Variants in PGAP1 observed in about 807,000 individuals in gnomAD.
PGAP1 encodes the protein post-GPI attachment to proteins inositol deacylase 1, also known as GPI inositol-deacylase.
Under a neutral mutation model 127.0 loss-of-function variants are expected in PGAP1, and 76 were observed. That is an observed-to-expected ratio of 0.60 (90% CI 0.50 to 0.72). The LOEUF is 0.72. Among genes scored for constraint, PGAP1 ranks in the 30% least tolerant of loss-of-function variants. The pLI is 0.00. For missense variants in PGAP1, 982 were observed against 1,071.3 expected, an observed-to-expected ratio of 0.92 and a Z score of 1.16; for synonymous variants, 362 against 366.5, an observed-to-expected ratio of 0.99 and a Z score of 0.14.
chr2:196,880,884 T>G (rs1181627455), intron 12 of PGAP1, among the ~76,000 whole-genome samples: 1 of 152,222 alleles, frequency 6.6e-6, no homozygotes, highest in Non-Finnish European at 1.5e-5. Flanking sequence ...ACTTTTATTT[T>G]AAGTTCAGGG....
At position 196,836,646 on chromosome 2, in the gene PGAP1, T is replaced by C. The variant is rs1203729056; in HGVS notation, c.*4588A>G. ...ATATTGTGAAAGAATGCATGAGTAA[T>C]GGGTAAACATAAAAGTTCATTACAG... On this transcript the variant is annotated 3_prime_UTR_variant, in exon 27 of 27. Coordinates refer to ENST00000354764, the MANE Select transcript of PGAP1 (RefSeq NM_024989.4). The C allele has an allele frequency of 1.3e-5, 2 of 152,164 alleles. No homozygotes were observed. Among genetic ancestry groups the C allele is most frequent in the South Asian group, 2.1e-4 (1 of 4,820 alleles). 9.4% of individuals were successfully genotyped at this position (152,164 alleles called of 1,614,324 possible). A position where few individuals can be genotyped will look rare whatever the true frequency, so the allele number is the denominator to read the frequency against.
rs757313863 is a variant in PGAP1, at chr2:196,926,610, G to A, written c.7C>T (p.Leu3Phe). 2.5e-6 allele frequency: 4 copies of A among 1,614,078 alleles called. No homozygotes were observed. The South Asian group carries it at 3.3e-5, about 13-fold the overall frequency. Residue 3 changes from leucine to phenylalanine, a missense_variant, in exon 1 of 27, where the codon CTT becomes TTT. Transcript: ENST00000354764. ...AGGTTCCAGAGATTAACTGAGTGAA[G>A]AAACATGGTGCCGCCACCACCGCCG... Reference protein sequence around the residue: MFLHSVNLWNLAF... With the variant: MFFHSVNLWNLAF...
rs1281616131 is a variant in PGAP1, at chr2:196,841,179, T to G, written c.*55A>C. 2.6e-6 allele frequency: 4 copies of G among 1,536,034 alleles called. No homozygotes were observed. The highest frequency in any genetic ancestry group is 2.8e-5 in the African/African-American group (2 of 72,258). ...CATACTGATGGATCTGTGTGTTCCC[T>G]CTTATCACTGGCCCTAAACACATAA... On this transcript the variant is annotated 3_prime_UTR_variant, in exon 27 of 27. Transcript: ENST00000354764.
At chr2:196,860,198 T>C (rs1701020089) in intron 20 of PGAP1, among the ~76,000 whole-genome samples, 1 of 151,878 alleles carries the variant, frequency 6.6e-6, no homozygotes, top group East Asian at 1.9e-4. Flanking sequence ...CATATAAAAA[T>C]CAGTAACTTT....
intron 23 of PGAP1, among the ~76,000 whole-genome samples, chr2:196,845,358 T>TC (rs1700527779): frequency 6.6e-6 from 1 of 151,836 alleles, no homozygotes; most frequent in South Asian, 2.1e-4. Flanking sequence ...CTGGATTTTT[T>TC]TTTTTTTCTT....
At chr2:196,887,633 C>T (rs1299428242) in intron 10 of PGAP1, among the ~76,000 whole-genome samples, 1 of 152,176 alleles carries the variant, frequency 6.6e-6, no homozygotes, top group Non-Finnish European at 1.5e-5. Flanking sequence ...AAAGTCCATT[C>T]TATGGCCAAG....
At chr2:196,848,747 A>C (rs1700631980) in intron 20 of PGAP1, among the ~76,000 whole-genome samples, 1 of 152,196 alleles carries the variant, frequency 6.6e-6, no homozygotes, top group African/African-American at 2.4e-5. Flanking sequence ...GGCTGTTATG[A>C]ATAATACTCC....
intron 9 of PGAP1, 38 bp from the exon 10 acceptor site, chr2:196,890,949 GAGC>G: frequency 9.8e-7 from 1 of 1,020,414 alleles, no homozygotes; most frequent in Non-Finnish European, 1.5e-6. Context: ...TAGCTGTAAT[GAGC>G]AGATTAGTTT....
At chr2:196,867,605 C>A (rs1701283702) in intron 19 of PGAP1, among the ~76,000 whole-genome samples, 1 of 152,116 alleles carries the variant, frequency 6.6e-6, no homozygotes, top group Non-Finnish European at 1.5e-5. Flanking sequence ...GCACATGTAC[C>A]CCAGAACTTA....
intron 4 of PGAP1, among the ~76,000 whole-genome samples, chr2:196,903,031 C>G (rs1196362671): frequency 6.6e-6 from 1 of 151,854 alleles, no homozygotes; most frequent in Non-Finnish European, 1.5e-5. Context: ...TTCTACATTC[C>G]ACAAGGATGA....
intron 20 of PGAP1, among the ~76,000 whole-genome samples, chr2:196,853,942 G>T (rs1223607938): frequency 6.9e-6 from 1 of 144,646 alleles, no homozygotes; most frequent in Non-Finnish European, 1.5e-5. Flanking sequence ...TGGTGGAGGA[G>T]TGCAATGGTA....
rs1175787360 is a variant in PGAP1 at position 196,843,870 on chromosome 2, T to C, written c.2525+18A>G. On this transcript the variant is annotated intron_variant, in intron 25 of 26. Coordinates refer to ENST00000354764, the MANE Select transcript of PGAP1 (RefSeq NM_024989.4). ...TTGTTTGAACCACATAAACAATAAT[T>C]ATATCAATAAAACGCACCTAAGATT... The C allele has an allele frequency of 2.1e-6, 3 of 1,420,640 alleles. No individual in the cohort carries two copies. Among genetic ancestry groups the C allele is most frequent in the Non-Finnish European group, 2.8e-6 (3 of 1,061,248 alleles). 88.0% of individuals were successfully genotyped at this position (1,420,640 alleles called of 1,614,324 possible). A position where few individuals can be genotyped will look rare whatever the true frequency, so the allele number is the denominator to read the frequency against.
chr2:196,852,940 G>T (rs1335141018), intron 20 of PGAP1, among the ~76,000 whole-genome samples: 1 of 152,160 alleles, frequency 6.6e-6, no homozygotes, highest in Admixed American at 6.5e-5. Flanking sequence ...TTCTGCATGT[G>T]ATCAAATTGG....
At position 196,847,212 on chromosome 2, in the gene PGAP1, A is replaced by G; in HGVS notation, c.1953-12T>C. The G allele has an allele frequency of 6.3e-7, 1 of 1,589,266 alleles. No individual in the cohort carries two copies. The highest frequency in any genetic ancestry group is 8.6e-7 in the Non-Finnish European group (1 of 1,168,710). On this transcript the variant is annotated splice_polypyrimidine_tract_variant and intron_variant, in intron 21 of 26. Transcript: ENST00000354764. Reference sequence around the variant, plus strand: ...TAAACCATTTATACCTGTGGAGAAAAGAAAATATAAAAGCAAAAAACCCAA... The same window carrying G: ...TAAACCATTTATACCTGTGGAGAAAGGAAAATATAAAAGCAAAAAACCCAA...
In PGAP1 at chr2:196,841,136, C is replaced by A; in HGVS notation, c.*98G>T. 8.3e-7 allele frequency: 1 copy of A among 1,210,640 alleles called. No homozygotes were observed. The highest frequency in any genetic ancestry group is 1.1e-6 in the Non-Finnish European group (1 of 891,278). The allele number at this position is 1,210,640 out of a possible 1,614,324, so 75.0% of individuals were successfully genotyped here. ...TATTGTAAAAATAGACTTGTCTTCT[C>A]CAAAGGATCTTGCTGTCCATACTGA... On this transcript the variant is annotated 3_prime_UTR_variant, in exon 27 of 27. Transcript: ENST00000354764.
rs1301598506 is a variant in PGAP1, at chr2:196,839,218, G to A, written c.*2016C>T. 1 of 152,556 alleles carries A rather than the reference G, an allele frequency of 6.6e-6. No individual in the cohort carries two copies. Among genetic ancestry groups the A allele is most frequent in the Non-Finnish European group, 1.5e-5 (1 of 67,998 alleles). 9.5% of individuals were successfully genotyped at this position (152,556 alleles called of 1,614,324 possible). On this transcript the variant is annotated 3_prime_UTR_variant, in exon 27 of 27. Transcript: ENST00000354764. ...TAATGAATTTTCTAAAGTTCTTTCT[G>A]TATATGGAACTAAGTCCAAATTCAG...
At position 196,873,558 on chromosome 2, in the gene PGAP1, T is replaced by C; in HGVS notation, c.1522A>G (p.Asn508Asp). 6.2e-7 allele frequency: 1 copy of C among 1,611,226 alleles called. No homozygotes were observed. Among genetic ancestry groups the C allele is most frequent in the South Asian group, 1.1e-5 (1 of 90,850 alleles). ...FGQIYQAFKI[N>D]VVSKCSAVKE... ...ACTGCTGAGCACTTGCTTACCACGT[T>C]GATTTTAAAAGCTTGGTATATCTAA... is the stretch of plus-strand genomic sequence containing the variant. Residue 508 changes from asparagine (N) to aspartate (D), a missense_variant, in exon 16 of 27, where the codon AAC becomes GAC. Coordinates refer to ENST00000354764, the MANE Select transcript of PGAP1 (RefSeq NM_024989.4).
At chr2:196,912,128 A>G (rs181533322) in intron 4 of PGAP1, among the ~76,000 whole-genome samples, 2 of 152,340 alleles carry the variant, frequency 1.3e-5, no homozygotes, top group Admixed American at 1.3e-4. Flanking sequence ...AACACATCAC[A>G]TGAAGTCTTT....
intron 2 of PGAP1, among the ~76,000 whole-genome samples, chr2:196,919,504 A>G (rs1703116118): frequency 6.6e-6 from 1 of 152,190 alleles, no homozygotes; most frequent in South Asian, 2.1e-4. Context: ...AGCCAGCATC[A>G]ATTTGGAATC....
Sources: allele counts gnomAD v4.1 joint callset (sites outside exome capture counted in the v4.1 genomes callset), GRCh38; gene constraint gnomAD v4.1.1; transcripts MANE v1.5; gene names NCBI Gene and HGNC (gene_info 2026-07-23, HGNC 2026-07-21).